COA1: variants seen among roughly 807,000 people sequenced by gnomAD.
COA1 encodes cytochrome c oxidase assembly factor 1.
A neutral mutation model predicts 16.0 loss-of-function variants in COA1; 13 were observed. That is an observed-to-expected ratio of 0.81 (90% CI 0.53 to 1.29). The LOEUF (loss-of-function observed/expected upper bound fraction) is 1.29. Among genes scored for constraint, COA1 ranks in the 50% most tolerant of loss-of-function variants. COA1 has a pLI of 0.00. For synonymous variants in COA1, 65 were observed against 65.7 expected (o/e 0.99, Z 0.05); for missense variants, 179 against 177.0 (o/e 1.01, Z -0.06).
chr7:43,629,772 T>G (rs2084983655), intron 6 of COA1, among the ~76,000 whole-genome samples: 1 of 152,336 alleles, frequency 6.6e-6, no homozygotes, highest in South Asian at 2.1e-4. Flanking sequence ...GAATATGTGA[T>G]TTGCCCAAGA....
At chr7:43,616,221 C>G (rs2083328559) in intron 6 of COA1, among the ~76,000 whole-genome samples, 1 of 152,186 alleles carries the variant, frequency 6.6e-6, no homozygotes, top group South Asian at 2.1e-4. Flanking sequence ...CGCCTGAGCA[C>G]TTTGTATATA....
chr7:43,719,198 C>T (rs2095456524), intron 1 of COA1, among the ~76,000 whole-genome samples: 1 of 152,142 alleles, frequency 6.6e-6, no homozygotes, highest in Admixed American at 6.6e-5. Context: ...GAACTCCTGA[C>T]CTCAAGTGAT....
At chr7:43,612,783 T>G (rs528289290) in intron 6 of COA1, among the ~76,000 whole-genome samples, 1 of 152,170 alleles carries the variant, frequency 6.6e-6, no homozygotes, top group South Asian at 2.1e-4. Context: ...CAGCCAAATA[T>G]CTTAAATAGA....
chr7:43,672,712 G>A (rs2093329981), intron 1 of COA1, among the ~76,000 whole-genome samples: 1 of 151,090 alleles, frequency 6.6e-6, no homozygotes, highest in South Asian at 2.1e-4. Flanking sequence ...AGAGGTTGCA[G>A]TGAGCCAAGA....
At position 43,624,612 on chromosome 7, in the gene COA1, G is replaced by A. The variant is rs2084286114; in HGVS notation, c.*133+14837C>T. ...TTTCAGGATGGAAAAGGCACTAGAAGAAGCAAATGCCCTCCAAGAAGGTCA... is the reference window on the plus strand; with the variant it reads ...TTTCAGGATGGAAAAGGCACTAGAAAAAGCAAATGCCCTCCAAGAAGGTCA... On this transcript the variant is annotated intron_variant and NMD_transcript_variant, in intron 6 of 6. Transcript: ENST00000415076. 1.9e-6 allele frequency: 3 copies of A among 1,614,094 alleles called. No homozygotes were observed. The East Asian group carries it at 6.7e-5, about 36-fold the overall frequency.
chr7:43,646,825 C>T (rs1201380999), intron 3 of COA1: 2 of 283,362 alleles, frequency 7.1e-6, no homozygotes, highest in Non-Finnish European at 1.5e-5. Flanking sequence ...GCTGGTGACA[C>T]TCACATCCTG....
chr7:43,716,325 A>T (rs1332521975), intron 1 of COA1, among the ~76,000 whole-genome samples: 1 of 152,172 alleles, frequency 6.6e-6, no homozygotes, highest in Non-Finnish European at 1.5e-5. Flanking sequence ...AGTGATATGA[A>T]GAGTAAGGTT....
At chr7:43,636,799 G>T (rs2085947354), downstream of COA1, among the ~76,000 whole-genome samples, 2 of 152,292 alleles carry the variant, frequency 1.3e-5, no homozygotes, top group Non-Finnish European at 2.9e-5. Context: ...TGACTTACTT[G>T]AAAGTCATAC....
At chr7:43,696,701 G>A (rs1585125785) in intron 1 of COA1, among the ~76,000 whole-genome samples, 1 of 111,684 alleles carries the variant, frequency 9.0e-6, no homozygotes, top group South Asian at 2.6e-4. Context: ...ATATACATAT[G>A]TGTGTGTATA....
In COA1 at chr7:43,641,948, C is replaced by T. The variant is rs572766107; in HGVS notation, c.265-1299G>A. ...CATCTCCCAGAGTGCCTTCCTGTGT[C>T]CTCGGTGATGGCCAAAGATACCTCC... On this transcript the variant is annotated intron_variant, in intron 4 of 5. Coordinates refer to ENST00000223336, the MANE Select transcript of COA1 (RefSeq NM_018224.4). The T allele has an allele frequency of 2.0e-5, 3 of 152,328 alleles. No homozygotes were observed. The South Asian group carries it at 6.2e-4, about 32-fold the overall frequency. 9.4% of individuals were successfully genotyped at this position (152,328 alleles called of 1,614,324 possible).
intron 1 of COA1, among the ~76,000 whole-genome samples, chr7:43,702,360 C>T (rs2094780662): frequency 6.6e-6 from 1 of 152,082 alleles, no homozygotes. Context: ...GACTCTTTTC[C>T]CCATTGCTTA....
intron 6 of COA1, among the ~76,000 whole-genome samples, chr7:43,614,088 T>A (rs2083122349): frequency 6.6e-6 from 1 of 152,226 alleles, no homozygotes; most frequent in Non-Finnish European, 1.5e-5. Flanking sequence ...AAAATGTTCC[T>A]TAAAACCCTG....
chr7:43,609,922 C>T (rs565256118), intron 6 of COA1, among the ~76,000 whole-genome samples: 2 of 152,336 alleles, frequency 1.3e-5, no homozygotes, highest in East Asian at 3.9e-4. Context: ...TGTTCTCTGA[C>T]CCAGACATGA....
intron 1 of COA1, among the ~76,000 whole-genome samples, chr7:43,722,216 G>A (rs1320963150): frequency 1.3e-5 from 2 of 151,280 alleles, no homozygotes; most frequent in Non-Finnish European, 2.9e-5. Context: ...TCAGCCTCCT[G>A]AGCAGCTGGA....
At chr7:43,644,194 T>C (rs1489250848) in intron 4 of COA1, among the ~76,000 whole-genome samples, 1 of 152,190 alleles carries the variant, frequency 6.6e-6, no homozygotes, top group African/African-American at 2.4e-5. Flanking sequence ...CTCGAGCCAC[T>C]TCCCCTAGGC....
At chr7:43,656,533 TAA>T (rs1217090934) in intron 1 of COA1, among the ~76,000 whole-genome samples, 1 of 151,878 alleles carries the variant, frequency 6.6e-6, no homozygotes, top group Non-Finnish European at 1.5e-5. Flanking sequence ...CTGTCTCTAC[TAA>T]AAATATAAAA....
Position 43,615,174 on chromosome 7 carries a change from TTTTG to T in COA1, c.*134-5683_*134-5680del, listed in dbSNP as rs376400960. On this transcript the variant is annotated intron_variant and NMD_transcript_variant, in intron 6 of 6. Coordinates refer to the COA1 transcript ENST00000415076. Reference sequence around the variant, plus strand: ...TGGTTACTATAGTTTTTGTTTTGTTTTTTGTTTGTTTGTTTGTTTTTGATAGGGT... The same window carrying T: ...TGGTTACTATAGTTTTTGTTTTGTTTTTTGTTTGTTTGTTTTTGATAGGGT... 9.2e-4 allele frequency among the ~76,000 whole-genome samples: 140 copies of T among 152,206 alleles called. 2 individuals carry two copies. Among genetic ancestry groups the T allele is most frequent in the South Asian group, 5.4e-3 (26 of 4,814 alleles).
At chr7:43,713,756 G>C (rs1324027427) in intron 1 of COA1, among the ~76,000 whole-genome samples, 1 of 152,028 alleles carries the variant, frequency 6.6e-6, no homozygotes, top group Non-Finnish European at 1.5e-5. Flanking sequence ...TGGGGGTCTA[G>C]AGCTAGGTGC....
chr7:43,695,586 A>G (rs539193193), intron 1 of COA1, among the ~76,000 whole-genome samples: 1 of 152,182 alleles, frequency 6.6e-6, no homozygotes, highest in South Asian at 2.1e-4. Flanking sequence ...GCAGTCCTCA[A>G]TTCATGTGTT....
Sources: allele counts gnomAD v4.1 joint callset (sites outside exome capture counted in the v4.1 genomes callset), GRCh38; gene constraint gnomAD v4.1.1; transcripts MANE v1.5; gene names NCBI Gene and HGNC (gene_info 2026-07-23, HGNC 2026-07-21).